AJAP1: variants seen among roughly 807,000 people sequenced by gnomAD.
The protein encoded by AJAP1 is adherens junction-associated protein 1.
Under a neutral mutation model 35.0 loss-of-function variants are expected in AJAP1, and 5 were observed. The ratio of observed to expected loss-of-function variants is 0.14; its 90% CI spans 0.07 to 0.30. The LOEUF (loss-of-function observed/expected upper bound fraction) is 0.30. AJAP1 is among the 10% of genes least tolerant of loss of function. The pLI is 1.00. For missense variants in AJAP1, 586 were observed against 571.0 expected (o/e 1.03, Z -0.27); for synonymous variants, 284 against 249.3 (o/e 1.14, Z -1.31).
intron 2 of AJAP1, among the ~76,000 whole-genome samples, chr1:4,718,191 A>G (rs1322707855): frequency 6.6e-6 from 1 of 152,098 alleles, no homozygotes; most frequent in African/African-American, 2.4e-5. Context: ...ACTGGACCCA[A>G]TCAGCCTGTT....
In AJAP1 at chr1:4,791,152, G is replaced by A. The variant is rs1366489492; in HGVS notation, c.*8667G>A. 1 of 152,034 alleles carries A rather than the reference G, an allele frequency of 6.6e-6. No homozygotes were observed. Among genetic ancestry groups the A allele is most frequent in the African/African-American group, 2.4e-5 (1 of 41,376 alleles). 9.4% of individuals were successfully genotyped at this position (152,034 alleles called of 1,614,324 possible). ...CAATGACCTTTACTAACTGACTCTT[G>A]GTACCCGGATTGTTGAGAGGTGAGT... On this transcript the variant is annotated 3_prime_UTR_variant, in exon 6 of 6. Transcript: ENST00000378191.
intron 2 of AJAP1, among the ~76,000 whole-genome samples, chr1:4,716,825 C>T (rs977279615): frequency 6.6e-6 from 1 of 152,082 alleles, no homozygotes; most frequent in African/African-American, 2.4e-5. Context: ...TAATTTGCTG[C>T]CACTACCTTT....
rs1639330890 is a variant in AJAP1 at position 4,674,894 on chromosome 1, T to G, written c.29+19440T>G. ...GTTGCCTGCCTCTGCTCTTCCTTTT[T>G]GACATTCAGCGTTTTCAAACAGAGA... On this transcript the variant is annotated intron_variant, in intron 1 of 5. Transcript: ENST00000378191. 1.3e-5 allele frequency among the ~76,000 whole-genome samples: 2 copies of G among 152,222 alleles called. 1 individual carries two copies. The highest frequency in any genetic ancestry group is 4.1e-4 in the South Asian group (2 of 4,828).
intron 2 of AJAP1, among the ~76,000 whole-genome samples, chr1:4,750,209 T>G (rs1465908164): frequency 1.3e-5 from 2 of 152,238 alleles, no homozygotes; most frequent in Non-Finnish European, 2.9e-5. Context: ...TGTGTGCGTG[T>G]GTGCATGTAT....
In AJAP1 at chr1:4,782,212, C is replaced by T. The variant is rs1052258097; in HGVS notation, c.*60-333C>T. On this transcript the variant is annotated intron_variant, in intron 5 of 5. Coordinates refer to ENST00000378191, the MANE Select transcript of AJAP1 (RefSeq NM_018836.4). This position sits in a 1 kb window ranked among gnomAD's most constrained non-coding sequence, Gnocchi z 5.3. Reference sequence around the variant, plus strand: ...CATGCACGCCTGGGACCGGATGCCCCGGCACCCCCACCATGAGTTAGCGGA... The same window carrying T: ...CATGCACGCCTGGGACCGGATGCCCTGGCACCCCCACCATGAGTTAGCGGA... Among the ~76,000 whole-genome samples the T allele has an allele frequency of 1.4e-4, 21 of 152,272 alleles. No individual in the cohort carries two copies. The highest frequency in any genetic ancestry group is 4.6e-4 in the African/African-American group (19 of 41,556).
chr1:4,701,186 G>A (rs531400748), intron 1 of AJAP1, among the ~76,000 whole-genome samples: 65 of 152,202 alleles, frequency 4.3e-4, no homozygotes, highest in Non-Finnish European at 2.8e-4. Context: ...GAGCTCCTGG[G>A]GAAAGGGGAT....
chr1:4,712,843 C>A, intron 2 of AJAP1, 144 bp downstream of exon 2: 1 of 837,496 alleles, frequency 1.2e-6, no homozygotes, highest in Non-Finnish European at 1.7e-6. Context: ...TGAGCTTGCA[C>A]ATGCCTGTAG....
chr1:4,698,110 C>G (rs1342475080), intron 1 of AJAP1, among the ~76,000 whole-genome samples: 1 of 152,206 alleles, frequency 6.6e-6, no homozygotes, highest in Admixed American at 6.5e-5. Context: ...GAAGATGAGA[C>G]AGAACCACGG....
Position 4,655,396 on chromosome 1 carries a change from G to A in AJAP1, c.-30G>A. On this transcript the variant is annotated 5_prime_UTR_variant, in exon 1 of 6. Coordinates refer to ENST00000378191, the MANE Select transcript of AJAP1 (RefSeq NM_018836.4). This position sits in a 1 kb window ranked among gnomAD's most constrained non-coding sequence, Gnocchi z 6.9. ...CGCGCAGATGGCCTGGGCGAGCCAGGTCTGAGGCCCCGCTCCCCGAAACGT... is the reference window on the plus strand; with the variant it reads ...CGCGCAGATGGCCTGGGCGAGCCAGATCTGAGGCCCCGCTCCCCGAAACGT... The A allele has an allele frequency of 6.4e-7, 1 of 1,552,172 alleles. No individual in the cohort carries two copies. The highest frequency in any genetic ancestry group is 8.7e-7 in the Non-Finnish European group (1 of 1,148,876).
rs559653126 is a variant in AJAP1, at chr1:4,772,096, A to T, written c.918-184A>T. On this transcript the variant is annotated intron_variant, in intron 3 of 5. Transcript: ENST00000378191. ...AATTCAAATTTCATTTTTTTTTTTT[A>T]AAAAAAAAGAGTTGATTGCTTGATT... Among the ~76,000 whole-genome samples the T allele has an allele frequency of 1.7e-3, 230 of 137,410 alleles. 2 individuals carry two copies. The highest frequency in any genetic ancestry group is 0.015 in the South Asian group (56 of 3,678). The allele number at this position is 137,410 out of a possible 152,430, so 90.1% of individuals were successfully genotyped here. A position where few individuals can be genotyped will look rare whatever the true frequency, so the allele number is the denominator to read the frequency against.
intron 1 of AJAP1, among the ~76,000 whole-genome samples, chr1:4,699,865 T>C (rs976576966): frequency 6.6e-6 from 1 of 152,222 alleles, no homozygotes; most frequent in Non-Finnish European, 1.5e-5. Context: ...GAGAACGGCA[T>C]GAGACAATTC....
chr1:4,704,915 G>T (rs1324446601), intron 1 of AJAP1, among the ~76,000 whole-genome samples: 1 of 152,234 alleles, frequency 6.6e-6, no homozygotes, highest in African/African-American at 2.4e-5. Flanking sequence ...CAATGATGGT[G>T]AGCATTTGTT....
chr1:4,713,067 C>A (rs1640302867), intron 2 of AJAP1, among the ~76,000 whole-genome samples: 3 of 152,132 alleles, frequency 2.0e-5, no homozygotes, highest in Admixed American at 1.3e-4. Context: ...CTGGGGCCGG[C>A]CCTTGAGCAA....
At chr1:4,695,937 C>T (rs1639848411) in intron 1 of AJAP1, among the ~76,000 whole-genome samples, 1 of 151,988 alleles carries the variant, frequency 6.6e-6, no homozygotes, top group African/African-American at 2.4e-5. Context: ...TTGCTGCACC[C>T]ATTCTCAGTT....
chr1:4,769,705 AC>A (rs1641791520), intron 2 of AJAP1, 147 bp from the exon 3 acceptor site: 3 of 717,120 alleles, frequency 4.2e-6, no homozygotes, highest in Non-Finnish European at 7.5e-6. Context: ...AGAACTGAGC[AC>A]CTGTCATGCT....
rs753431332 is a variant in AJAP1 at position 4,772,516 on chromosome 1, A to G, written c.1154A>G (p.Asn385Ser). 2.4e-5 allele frequency: 39 copies of G among 1,613,710 alleles called. No individual in the cohort carries two copies. The highest frequency in any genetic ancestry group is 1.6e-4 in the Middle Eastern group (1 of 6,080). Reference protein sequence around the residue: ...STTGEYKSTFNGNRPSSSDRH... With the variant: ...STTGEYKSTFSGNRPSSSDRH... Reference sequence around the variant, plus strand: ...ACGGGGGAGTACAAATCCACATTTAATGGAAACCGGTAAGCTCGGGCTCTG... The same window carrying G: ...ACGGGGGAGTACAAATCCACATTTAGTGGAAACCGGTAAGCTCGGGCTCTG... The change falls in exon 4 of 6, where the codon AAT becomes AGT. Residue 385 changes from asparagine to serine, a missense_variant. By Grantham distance (46) the Asn-to-Ser change is conservative. Coordinates refer to ENST00000378191, the MANE Select transcript of AJAP1 (RefSeq NM_018836.4).
At chr1:4,742,571 T>C (rs918615845) in intron 2 of AJAP1, among the ~76,000 whole-genome samples, 2 of 151,938 alleles carry the variant, frequency 1.3e-5, no homozygotes, top group African/African-American at 4.8e-5. Context: ...GGTCTAAGGG[T>C]GTCTTTGTCC....
intron 1 of AJAP1, among the ~76,000 whole-genome samples, chr1:4,686,980 C>G (rs1229843503): frequency 6.6e-6 from 1 of 152,198 alleles, no homozygotes; most frequent in Non-Finnish European, 1.5e-5. Context: ...CCACTTCCTG[C>G]CCAAGTTGAC....
chr1:4,719,920 G>T (rs564263004), intron 2 of AJAP1, among the ~76,000 whole-genome samples: 1 of 152,316 alleles, frequency 6.6e-6, no homozygotes, highest in African/African-American at 2.4e-5. Context: ...CTGGGGGCCT[G>T]GTGGGACCAT....
Sources: gnomAD v4.1 joint callset for allele counts (sites outside exome capture counted in the v4.1 genomes callset) on GRCh38, gnomAD v4.1.1 for gene constraint, Gnocchi (gnomAD v3.1) non-coding constraint, MANE v1.5 for transcripts, NCBI Gene and HGNC (gene_info 2026-07-23, HGNC 2026-07-21) for gene names.